Variants in PHF20 observed in about 807,000 individuals in gnomAD.
The protein encoded by PHF20 is glioma-expressed antigen 2.
Under a neutral mutation model 113.5 loss-of-function variants are expected in PHF20, and 23 were observed. The ratio of observed to expected loss-of-function variants is 0.20; its 90% CI spans 0.15 to 0.29. The LOEUF (loss-of-function observed/expected upper bound fraction) is 0.29. Ranked by LOEUF, PHF20 falls within the 10% of genes least tolerant of loss-of-function variation. The pLI, the probability that PHF20 is intolerant of heterozygous loss-of-function variation, is 1.00. For missense variants in PHF20, 943 were observed against 1,219.6 expected (o/e 0.77, Z 3.38); for synonymous variants, 434 against 457.3 (o/e 0.95, Z 0.65).
intron 2 of PHF20, among the ~76,000 whole-genome samples, chr20:35,803,245 C>T (rs2041816312): frequency 6.8e-6 from 1 of 146,284 alleles, no homozygotes; most frequent in Admixed American, 6.8e-5. Context: ...GAGCGAGACT[C>T]CGTCCCGGAA....
intron 9 of PHF20, among the ~76,000 whole-genome samples, chr20:35,889,461 G>A (rs142543151): frequency 0.017 from 2,633 of 151,042 alleles, 24 homozygotes; most frequent in Middle Eastern, 0.049. Flanking sequence ...TCCTGGGTTC[G>A]AGCAATTTTT....
At chr20:35,780,715 C>G (rs2041276448) in intron 1 of PHF20, among the ~76,000 whole-genome samples, 1 of 147,412 alleles carries the variant, frequency 6.8e-6, no homozygotes, top group Non-Finnish European at 1.5e-5. Flanking sequence ...CCCGGCTAAT[C>G]TTTTATATTT....
rs754281011 is a variant in PHF20 at position 35,917,578 on chromosome 20, G to A, written c.1920G>A (p.Glu640=). ...QDVDVTTNPD[E]ELDGDDRYDF... The stretch of plus-strand genomic sequence containing the variant: ...TGGATGTGACCACCAACCCAGATGA[G>A]GAACTTGATGGGGATGACCGCTATG... The change falls in exon 13 of 18, where the codon GAG becomes GAA. Residue 640 remains glutamate, a synonymous_variant. Transcript: ENST00000374012. The A allele has an allele frequency of 5.6e-6, 9 of 1,614,114 alleles. No homozygotes were observed. The highest frequency in any genetic ancestry group is 7.6e-6 in the Non-Finnish European group (9 of 1,180,014).
At chr20:35,839,407 A>AAG (rs2042503058) in intron 2 of PHF20, among the ~76,000 whole-genome samples, 1 of 150,494 alleles carries the variant, frequency 6.6e-6, no homozygotes, top group Non-Finnish European at 1.5e-5. Context: ...AAAAAAAAAA[A>AAG]AAAAGAAAGT....
intron 13 of PHF20, among the ~76,000 whole-genome samples, chr20:35,921,194 T>C (rs182062677): frequency 1.1e-4 from 16 of 152,310 alleles, no homozygotes; most frequent in Admixed American, 8.5e-4. Context: ...TTACTTTGAT[T>C]AATCAGAGAT....
chr20:35,838,405 A>G (rs1280807229), intron 2 of PHF20: 1 of 152,190 alleles, frequency 6.6e-6, no homozygotes, highest in Non-Finnish European at 1.5e-5. Flanking sequence ...GGGTTACTTG[A>G]TCCTCCTTCC....
chr20:35,842,489 G>A, intron 2 of PHF20, 84 bp from the exon 3 acceptor site: 9 of 1,224,484 alleles, frequency 7.4e-6, no homozygotes, highest in Admixed American at 2.1e-5. Flanking sequence ...CCTTTGGGAA[G>A]AGGTTTGGAA....
chr20:35,863,398 C>T lies in PHF20; in HGVS notation c.806C>T (p.Thr269Ile), dbSNP rs771562037. ...KRGRPPSIAP[T>I]AVDSNSQTLQ... ...GGCAGACCCCCTTCCATAGCTCCTA[C>T]TGGTGAGTTTTTTAAGTGGGCTCTG... is the stretch of plus-strand genomic sequence containing the variant. Residue 269 changes from threonine to isoleucine, a missense_variant and splice_region_variant, in exon 6 of 18, where the codon ACT becomes ATT. By Grantham distance (89) the Thr-to-Ile change is moderately conservative. Transcript: ENST00000374012. 6.3e-7 allele frequency: 1 copy of T among 1,585,258 alleles called. No individual in the cohort carries two copies. Among genetic ancestry groups the T allele is most frequent in the Non-Finnish European group, 8.5e-7 (1 of 1,170,318 alleles).
intron 4 of PHF20, among the ~76,000 whole-genome samples, chr20:35,856,740 C>T (rs1702747568): frequency 1.3e-5 from 2 of 152,072 alleles, no homozygotes; most frequent in African/African-American, 4.8e-5. Flanking sequence ...GGTATTTGAG[C>T]CAGGCACTTA....
At chr20:35,785,197 G>A (rs748839804) in intron 1 of PHF20, among the ~76,000 whole-genome samples, 1 of 152,050 alleles carries the variant, frequency 6.6e-6, no homozygotes, top group Non-Finnish European at 1.5e-5. Flanking sequence ...CTGCATTGTT[G>A]GGAATGAGAT....
At chr20:35,922,976 G>T (rs1245113805) in intron 13 of PHF20, among the ~76,000 whole-genome samples, 1 of 152,100 alleles carries the variant, frequency 6.6e-6, no homozygotes, top group African/African-American at 2.4e-5. Flanking sequence ...TTAGTTAATT[G>T]TGATGGTGCA....
intron 9 of PHF20, among the ~76,000 whole-genome samples, chr20:35,894,156 C>G (rs1415456954): frequency 1.3e-5 from 2 of 152,152 alleles, no homozygotes; most frequent in Non-Finnish European, 2.9e-5. Context: ...AAATGAAGTG[C>G]TTTCAGGGTG....
chr20:35,926,529 G>A (rs914733871), intron 13 of PHF20, among the ~76,000 whole-genome samples: 2 of 151,970 alleles, frequency 1.3e-5, no homozygotes, highest in South Asian at 2.1e-4. Flanking sequence ...GTGAGCCACC[G>A]CGCCCGGCCG....
intron 2 of PHF20, among the ~76,000 whole-genome samples, chr20:35,804,190 G>T (rs1219163884): frequency 4.0e-5 from 6 of 149,328 alleles, no homozygotes; most frequent in African/African-American, 1.5e-4. Flanking sequence ...TTCAGCCTCA[G>T]CTGGGATTAC....
intron 13 of PHF20, among the ~76,000 whole-genome samples, chr20:35,920,082 T>G (rs1252514445): frequency 6.6e-6 from 1 of 152,236 alleles, no homozygotes; most frequent in Non-Finnish European, 1.5e-5. Flanking sequence ...ATCAAGGTAC[T>G]GAGGTATACT....
intron 9 of PHF20, among the ~76,000 whole-genome samples, chr20:35,880,751 A>G (rs2054613888): frequency 6.6e-6 from 1 of 152,126 alleles, no homozygotes; most frequent in Admixed American, 6.5e-5. Context: ...ACTTGAGGTC[A>G]GGAGTTCGAG....
intron 1 of PHF20, among the ~76,000 whole-genome samples, chr20:35,801,042 A>G (rs1474696574): frequency 6.6e-6 from 1 of 152,168 alleles, no homozygotes; most frequent in African/African-American, 2.4e-5. Context: ...TACAGTTTGC[A>G]GTTATTTATC....
chr20:35,895,124 A>G (rs2054955127), intron 9 of PHF20, among the ~76,000 whole-genome samples: 1 of 152,096 alleles, frequency 6.6e-6, no homozygotes, highest in South Asian at 2.1e-4. Flanking sequence ...CCTGGGTTCA[A>G]GCAATTCTTC....
chr20:35,913,635 G>A (rs1263626633), intron 11 of PHF20, among the ~76,000 whole-genome samples: 1 of 152,214 alleles, frequency 6.6e-6, no homozygotes, highest in African/African-American at 2.4e-5. Flanking sequence ...AAGCAGATGT[G>A]CAGGTGAATG....
Sources: allele counts gnomAD v4.1 joint callset (sites outside exome capture counted in the v4.1 genomes callset), GRCh38; gene constraint gnomAD v4.1.1; transcripts MANE v1.5; gene names NCBI Gene and HGNC (gene_info 2026-07-23, HGNC 2026-07-21).